The following GRB10 variants were observed in gnomAD, a reference collection of about 807,000 sequenced individuals.
GRB10 encodes growth factor receptor-bound protein 10.
GRB10 carries 20 observed loss-of-function variants against 80.9 expected under a neutral mutation model. The observed-to-expected ratio is 0.25, with a 90% CI of 0.17 to 0.36. The LOEUF (loss-of-function observed/expected upper bound fraction) is 0.36, where lower values mean the gene tolerates loss of function less well. Among genes scored for constraint, GRB10 ranks in the 10% least tolerant of loss-of-function variants. GRB10 has a pLI of 1.00. For synonymous variants in GRB10, 291 were observed against 291.5 expected (o/e 1.00, Z 0.02); for missense variants, 548 against 747.7 (o/e 0.73, Z 3.12).
intron 4 of GRB10, among the ~76,000 whole-genome samples, chr7:50,712,788 G>A (rs906510044): frequency 6.6e-6 from 1 of 152,190 alleles, no homozygotes; most frequent in Admixed American, 6.5e-5. Flanking sequence ...TTCACAAGGG[G>A]AGGAGTCTAT....
intron 17 of GRB10, 70 bp from the exon 18 acceptor site, chr7:50,595,600 C>T (rs71540253): frequency 2.8e-6 from 2 of 708,330 alleles, no homozygotes; most frequent in East Asian, 5.4e-5. Flanking sequence ...CACACACTCT[C>T]TTACACACAC....
At chr7:50,596,712 G>C (rs940452940) in intron 17 of GRB10, among the ~76,000 whole-genome samples, 5 of 151,312 alleles carry the variant, frequency 3.3e-5, no homozygotes, top group African/African-American at 1.2e-4. Context: ...CTCCTAAACG[G>C]TTCAGAAGAA....
chr7:50,770,634 G>A (rs1403920006), intron 2 of GRB10, among the ~76,000 whole-genome samples: 1 of 152,200 alleles, frequency 6.6e-6, no homozygotes, highest in African/African-American at 2.4e-5. Flanking sequence ...ATGCACAGCG[G>A]AGTTTTCTAG....
At chr7:50,617,278 T>G (rs1052593757) in intron 10 of GRB10, among the ~76,000 whole-genome samples, 1 of 152,198 alleles carries the variant, frequency 6.6e-6, no homozygotes, top group South Asian at 2.1e-4. Context: ...AATTTGGTGA[T>G]AACAACGTAG....
At chr7:50,720,808 C>T (rs1296788640) in intron 4 of GRB10, among the ~76,000 whole-genome samples, 1 of 151,478 alleles carries the variant, frequency 6.6e-6, no homozygotes, top group Non-Finnish European at 1.5e-5. Context: ...TTGCCGTTTC[C>T]TAAATTTTCA....
chr7:50,778,280 C>T lies in GRB10; in HGVS notation c.-217+2347G>A, dbSNP rs2153712409. Among the ~76,000 whole-genome samples, 4 of 152,278 alleles carry T rather than the reference C, an allele frequency of 2.6e-5. 1 individual carries two copies. The Middle Eastern group carries it at 0.01, about 388-fold the overall frequency. On this transcript the variant is annotated intron_variant, in intron 2 of 18. Coordinates refer to ENST00000401949, the MANE Select transcript of GRB10 (RefSeq NM_001350814.2). The stretch of plus-strand genomic sequence containing the variant: ...ATCCAAAGTTTCCTCACTTATTTGG[C>T]AATAAATTATTAGCTCCTGTAGTAT...
At chr7:50,780,390 C>T (rs1057444681) in intron 2 of GRB10, among the ~76,000 whole-genome samples, 1 of 152,166 alleles carries the variant, frequency 6.6e-6, no homozygotes, top group African/African-American at 2.4e-5. Flanking sequence ...GTCCACAGGA[C>T]TCATACTGCC....
intron 5 of GRB10, among the ~76,000 whole-genome samples, chr7:50,682,750 T>A (rs1165260117): frequency 6.6e-6 from 1 of 152,186 alleles, no homozygotes; most frequent in Non-Finnish European, 1.5e-5. Flanking sequence ...TGAGATTTCA[T>A]GACAGAAAAT....
chr7:50,657,143 G>A (rs1424564373), intron 7 of GRB10, among the ~76,000 whole-genome samples: 1 of 152,198 alleles, frequency 6.6e-6, no homozygotes, highest in African/African-American at 2.4e-5. Flanking sequence ...TTAAATAACT[G>A]AAAACATATC....
intron 13 of GRB10, among the ~76,000 whole-genome samples, chr7:50,610,591 G>A (rs2049330506): frequency 6.6e-6 from 1 of 152,152 alleles, no homozygotes; most frequent in Non-Finnish European, 1.5e-5. Context: ...AAGGGGTTCT[G>A]GGGCCAGAAT....
In GRB10 at chr7:50,650,903, A is replaced by G. The variant is rs79535454; in HGVS notation, c.504+18819T>C. ...AGACTTACCTTTTTCTTACTGATTT[A>G]TAAGAGCTCTTTATTTAGGATATTG... On this transcript the variant is annotated intron_variant, in intron 7 of 18. Transcript: ENST00000401949. Among the ~76,000 whole-genome samples the G allele has an allele frequency of 1.2e-3, 183 of 152,372 alleles. 4 individuals carry two copies. The East Asian group carries it at 0.028, about 23-fold the overall frequency.
intron 3 of GRB10, among the ~76,000 whole-genome samples, chr7:50,740,537 T>C (rs2071521711): frequency 6.6e-6 from 1 of 152,188 alleles, no homozygotes; most frequent in Non-Finnish European, 1.5e-5. Flanking sequence ...TTTTAAAAGC[T>C]GTACCTTCCA....
chr7:50,664,976 T>TG (rs1230402758), intron 7 of GRB10, among the ~76,000 whole-genome samples: 4 of 152,256 alleles, frequency 2.6e-5, no homozygotes, highest in Admixed American at 2.6e-4. Flanking sequence ...TTTGTATTTT[T>TG]GGTAAGTCAA....
At chr7:50,756,536 T>G (rs1198938956) in intron 2 of GRB10, among the ~76,000 whole-genome samples, 2 of 152,220 alleles carry the variant, frequency 1.3e-5, no homozygotes, top group Non-Finnish European at 2.9e-5. Context: ...CTGGGCACTC[T>G]GCATGGAGCA....
chr7:50,722,489 A>G (rs2067917230), intron 4 of GRB10, among the ~76,000 whole-genome samples: 1 of 152,230 alleles, frequency 6.6e-6, no homozygotes, highest in Non-Finnish European at 1.5e-5. Flanking sequence ...AAAGCCACAG[A>G]AAGCACATTC....
At chr7:50,630,178 G>A (rs1045492818) in intron 7 of GRB10, among the ~76,000 whole-genome samples, 1 of 152,180 alleles carries the variant, frequency 6.6e-6, no homozygotes, top group African/African-American at 2.4e-5. Flanking sequence ...AGTAATGTAA[G>A]CAAAACACTG....
chr7:50,617,958 A>T, intron 10 of GRB10, 113 bp downstream of exon 10: 1 of 919,174 alleles, frequency 1.1e-6, no homozygotes, highest in Non-Finnish European at 1.8e-6. Flanking sequence ...AGCCAAGGTT[A>T]TAAATGGTGA....
chr7:50,648,223 G>C (rs1286164959), intron 7 of GRB10, among the ~76,000 whole-genome samples: 4 of 152,110 alleles, frequency 2.6e-5, no homozygotes, highest in Admixed American at 6.5e-5. Flanking sequence ...CAGCAAAGAG[G>C]GTGGAAACCC....
chr7:50,633,136 T>G (rs2054321630), intron 7 of GRB10, among the ~76,000 whole-genome samples: 1 of 152,166 alleles, frequency 6.6e-6, no homozygotes, highest in Non-Finnish European at 1.5e-5. Flanking sequence ...TCAAAGTAAT[T>G]CCTGCTGACA....
Sources: gnomAD v4.1 joint callset for allele counts (sites outside exome capture counted in the v4.1 genomes callset) on GRCh38, gnomAD v4.1.1 for gene constraint, MANE v1.5 for transcripts, NCBI Gene and HGNC (gene_info 2026-07-23, HGNC 2026-07-21) for gene names.